Variants in OGT observed in about 807,000 individuals in gnomAD.
OGT encodes the protein UDP-N-acetylglucosamine--peptide N-acetylglucosaminyltransferase 110 kDa subunit.
OGT carries 3 observed loss-of-function variants against 75.8 expected under a neutral mutation model. The observed-to-expected ratio is 0.04, with a 90% CI of 0.02 to 0.10. The LOEUF (loss-of-function observed/expected upper bound fraction) is 0.10, where lower values mean the gene tolerates loss of function less well. Ranked by LOEUF, OGT falls within the 10% of genes least tolerant of loss-of-function variation. The pLI is 1.00. For synonymous variants in OGT, 257 were observed against 289.7 expected (o/e 0.89, Z 1.15); for missense variants, 260 against 824.4 (o/e 0.32, Z 8.38).
At chrX:71,559,203 C>T (rs191905882) in intron 12 of OGT, 64 bp from the exon 13 acceptor site, 1,701 of 1,064,172 alleles carry the variant, frequency 1.6e-3, no homozygotes, top group South Asian at 2.3e-3. Context: ...GTGTGTTTTT[C>T]GTCAGTTTTC....
chrX:71,536,962 GTTTTT>G (rs1195640430), intron 2 of OGT: 35 of 122,333 alleles, frequency 2.9e-4, no homozygotes, highest in East Asian at 6.9e-4. Flanking sequence ...AATGTGGTGG[GTTTTT>G]TTTTTTTTTT....
chrX:71,537,011 T>C, intron 2 of OGT: 1 of 176,473 alleles, frequency 5.7e-6, no homozygotes, highest in South Asian at 6.8e-5. Flanking sequence ...TCTTGTTGCC[T>C]AGGCTGGAGT....
Position 71,563,336 on chromosome X carries a change from G to A in OGT, c.2273G>A (p.Cys758Tyr), listed in dbSNP as rs1264437318. The A allele has an allele frequency of 2.5e-6, 3 of 1,206,909 alleles. No homozygotes were observed. The highest frequency in any genetic ancestry group is 3.0e-5 in the East Asian group (1 of 33,803). ...GATGCATTTTTTTTTCAGATGAAGTGTCCTGATGGAGGAGACAATGCAGAT... is the reference window on the plus strand; with the variant it reads ...GATGCATTTTTTTTTCAGATGAAGTATCCTGATGGAGGAGACAATGCAGAT... ...LPDVKIVKMK[C>Y]PDGGDNADSS... Residue 758 changes from cysteine (C) to tyrosine (Y), a missense_variant, in exon 18 of 22, where the codon TGT becomes TAT. Around this residue, in one of 6 missense-constraint regions of OGT, gnomAD observed 79 missense variants for 141.0 expected, o/e 0.56. Coordinates refer to ENST00000373719, the MANE Select transcript of OGT (RefSeq NM_181672.3).
chrX:71,554,064 C>A (rs982232934), intron 5 of OGT, among the ~76,000 whole-genome samples: 12 of 112,034 alleles, frequency 1.1e-4, no homozygotes, highest in African/African-American at 3.2e-4. Context: ...TTGTATCTTA[C>A]TGTGTATACA....
intron 5 of OGT, among the ~76,000 whole-genome samples, chrX:71,552,180 G>A (rs972334284): frequency 9.1e-6 from 1 of 109,758 alleles, no homozygotes; most frequent in Admixed American, 9.7e-5. Context: ...AGCCAAGATC[G>A]TGCCACTGCA....
chrX:71,535,809 A>C (rs2040171694), intron 1 of OGT, among the ~76,000 whole-genome samples: 2 of 111,759 alleles, frequency 1.8e-5, no homozygotes, highest in Admixed American at 1.9e-4. Flanking sequence ...TCACACGTTT[A>C]ATATTTTGTT....
chrX:71,536,115 GT>G, intron 1 of OGT, 62 bp from the exon 2 acceptor site: 2 of 1,015,693 alleles, frequency 2.0e-6, no homozygotes, highest in Non-Finnish European at 2.6e-6. Flanking sequence ...CATTTTTTTG[GT>G]TTACATTTCT....
At position 71,573,604 on chromosome X, in the gene OGT, G is replaced by GT. The variant is rs2040472372; in HGVS notation, c.2967-10dup. ...GCTCTGATTTGTAAACTGGGTTCTT[G>GT]TTTTTTATTACCCAGCCTGAAGAAA... On this transcript the variant is annotated splice_polypyrimidine_tract_variant and intron_variant, in intron 21 of 21. Coordinates refer to ENST00000373719, the MANE Select transcript of OGT (RefSeq NM_181672.3). 13 of 1,166,906 alleles carry GT rather than the reference G, an allele frequency of 1.1e-5. No homozygotes were observed. The highest frequency in any genetic ancestry group is 1.4e-5 in the Non-Finnish European group (12 of 874,817).
chrX:71,551,450 G>GGT (rs2147678597), intron 5 of OGT, among the ~76,000 whole-genome samples: 2 of 111,648 alleles, frequency 1.8e-5, no homozygotes, highest in East Asian at 5.6e-4. Flanking sequence ...TGGCCAACAT[G>GGT]GCAAAACCCC....
chrX:71,536,760 AGTT>A (rs1158928691), intron 2 of OGT: 4 of 151,132 alleles, frequency 2.6e-5, no homozygotes, highest in Non-Finnish European at 5.0e-5. Flanking sequence ...AGTTTCATTA[AGTT>A]GTTATGGTGT....
chrX:71,566,062 G>T (rs1486745092), intron 19 of OGT, among the ~76,000 whole-genome samples: 1 of 112,120 alleles, frequency 8.9e-6, no homozygotes, highest in Non-Finnish European at 1.9e-5. Context: ...AAATAAAATG[G>T]CATGTTTTAC....
At chrX:71,541,690 A>G (rs1477776136) in intron 3 of OGT, among the ~76,000 whole-genome samples, 3 of 111,054 alleles carry the variant, frequency 2.7e-5, no homozygotes, top group Non-Finnish European at 5.7e-5. Flanking sequence ...GTCAATTGGA[A>G]GATTTATAAA....
chrX:71,555,875 A>G, intron 7 of OGT, 79 bp from the exon 8 acceptor site: 4 of 1,094,814 alleles, frequency 3.7e-6, no homozygotes, highest in Non-Finnish European at 4.9e-6. Flanking sequence ...ATTAGGCTTA[A>G]TTAAACAATT....
At chrX:71,533,928 G>A (rs1307342422) in intron 1 of OGT, among the ~76,000 whole-genome samples, 2 of 111,811 alleles carry the variant, frequency 1.8e-5, no homozygotes, top group African/African-American at 3.3e-5. Context: ...ACCCTGCTAG[G>A]CAGTGCCTTT....
At chrX:71,557,786 C>A in intron 12 of OGT, 114 bp downstream of exon 12, 1 of 678,420 alleles carries the variant, frequency 1.5e-6, no homozygotes, top group Non-Finnish European at 2.1e-6. Context: ...CCACCCAAGT[C>A]GAGAAATAAA....
intron 19 of OGT, among the ~76,000 whole-genome samples, chrX:71,565,476 G>A (rs1055643790): frequency 1.8e-5 from 2 of 111,029 alleles, no homozygotes; most frequent in African/African-American, 6.6e-5. Context: ...AGATCTGCCC[G>A]CCTTGGCCTC....
At chrX:71,534,586 T>C (rs2147665735) in intron 1 of OGT, among the ~76,000 whole-genome samples, 1 of 111,094 alleles carries the variant, frequency 9.0e-6, no homozygotes, top group South Asian at 3.8e-4. Context: ...GAATCGTCAA[T>C]AGTGTCTTAT....
intron 1 of OGT, among the ~76,000 whole-genome samples, chrX:71,533,844 G>A (rs1441282225): frequency 9.1e-6 from 1 of 110,049 alleles, no homozygotes; most frequent in Non-Finnish European, 1.9e-5. Flanking sequence ...TCCTCACTTT[G>A]CATCACCCGA....
intron 3 of OGT, among the ~76,000 whole-genome samples, chrX:71,543,724 A>G (rs1246768636): frequency 2.0e-5 from 2 of 100,821 alleles, no homozygotes; most frequent in African/African-American, 3.6e-5. Flanking sequence ...TAGTTGGACA[A>G]ATATTTGAGA....
Sources: allele counts gnomAD v4.1 joint callset (sites outside exome capture counted in the v4.1 genomes callset), GRCh38; gene constraint gnomAD v4.1.1; regional missense constraint gnomAD v4.1.1; transcripts MANE v1.5; gene names NCBI Gene and HGNC (gene_info 2026-07-23, HGNC 2026-07-21).